The following DAB1 variants were observed in gnomAD, a reference collection of about 807,000 sequenced individuals.
The protein encoded by DAB1 is disabled homolog 1.
DAB1 carries 15 observed loss-of-function variants against 64.6 expected under a neutral mutation model. The observed-to-expected ratio is 0.23, with a 90% CI of 0.16 to 0.36. The LOEUF (loss-of-function observed/expected upper bound fraction) is 0.36, where lower values mean the gene tolerates loss of function less well. Ranked by LOEUF, DAB1 falls within the 10% of genes least tolerant of loss-of-function variation. The pLI is 1.00. For synonymous variants in DAB1, 235 were observed against 251.9 expected (o/e 0.93, Z 0.64); for missense variants, 596 against 706.7 (o/e 0.84, Z 1.78).
intron 4 of DAB1, among the ~76,000 whole-genome samples, chr1:58,181,574 G>T (rs184262926): frequency 1.4e-3 from 212 of 151,926 alleles, no homozygotes; most frequent in African/African-American, 4.9e-3. Flanking sequence ...TTAACTCCTT[G>T]TTGGATTTAT....
At chr1:57,038,267 T>TTTGCAAAACTGAA (rs1647275614) in intron 9 of DAB1, among the ~76,000 whole-genome samples, 1 of 152,220 alleles carries the variant, frequency 6.6e-6, no homozygotes, top group South Asian at 2.1e-4. Context: ...TCAAATTCAG[T>TTTGCAAAACTGAA]TTGCAAAAGC....
chr1:58,263,943 C>T (rs1268287235), intron 4 of DAB1, among the ~76,000 whole-genome samples: 2 of 152,126 alleles, frequency 1.3e-5, no homozygotes, highest in East Asian at 3.9e-4. Flanking sequence ...ATTTCATAGC[C>T]AAATTTCTGG....
chr1:58,052,349 G>C (rs565887606), intron 5 of DAB1, among the ~76,000 whole-genome samples: 2 of 152,124 alleles, frequency 1.3e-5, no homozygotes, highest in African/African-American at 4.8e-5. Flanking sequence ...AAGATCAGAT[G>C]GTTGTAGATG....
intron 1 of DAB1, among the ~76,000 whole-genome samples, chr1:57,852,691 C>T (rs1424058078): frequency 1.3e-5 from 2 of 152,096 alleles, no homozygotes; most frequent in African/African-American, 4.8e-5. Context: ...CACTACATGG[C>T]TCTATGGGCA....
intron 4 of DAB1, among the ~76,000 whole-genome samples, chr1:58,196,697 G>C (rs183815388): frequency 0.011 from 1,607 of 152,230 alleles, 9 homozygotes; most frequent in South Asian, 0.034. Flanking sequence ...AGAGAGGAGA[G>C]AGCCCAGGGA....
chr1:57,023,496 G>T, intron 11 of DAB1, 35 bp downstream of exon 11: 1 of 1,264,148 alleles, frequency 7.9e-7, no homozygotes, highest in Non-Finnish European at 1.1e-6. Context: ...ATGAGTGAAG[G>T]CCAAAGGAAG....
At chr1:58,268,310 C>A (rs2100424353) in intron 4 of DAB1, among the ~76,000 whole-genome samples, 1 of 152,004 alleles carries the variant, frequency 6.6e-6, no homozygotes, top group South Asian at 2.1e-4. Context: ...ATATTTAAGA[C>A]CTGAGTGAAG....
intron 4 of DAB1, among the ~76,000 whole-genome samples, chr1:57,095,354 C>T (rs971204284): frequency 1.1e-4 from 17 of 152,114 alleles, no homozygotes; most frequent in Non-Finnish European, 2.5e-4. Flanking sequence ...GGACAGAGGC[C>T]CAATGAGACT....
chr1:58,492,993 T>C (rs548702688), intron 3 of DAB1, among the ~76,000 whole-genome samples: 2,031 of 152,262 alleles, frequency 0.013, 32 homozygotes, highest in African/African-American at 0.045. Flanking sequence ...ATATCCCTGA[T>C]GAACATCAAT....
At position 58,201,393 on chromosome 1, in the gene DAB1, C is replaced by T. The variant is rs533797881; in HGVS notation, n.310-50805G>A. On this transcript the variant is annotated intron_variant and non_coding_transcript_variant, in intron 4 of 20. Transcript: ENST00000485760. ...TCAGAATACTGATCTCTGGACATAGCGCTCTTTCTAAGTTTTTGCCTCTGC... is the reference window on the plus strand; with the variant it reads ...TCAGAATACTGATCTCTGGACATAGTGCTCTTTCTAAGTTTTTGCCTCTGC... Among the ~76,000 whole-genome samples, 57 of 152,226 alleles carry T rather than the reference C, an allele frequency of 3.7e-4. 3 individuals carry two copies. The South Asian group carries it at 0.011, about 29-fold the overall frequency.
At chr1:58,227,591 A>G (rs575345062) in intron 4 of DAB1, among the ~76,000 whole-genome samples, 1 of 152,332 alleles carries the variant, frequency 6.6e-6, no homozygotes, top group East Asian at 1.9e-4. Flanking sequence ...GTAGCTCATC[A>G]GGTGCCAAAG....
chr1:58,187,854 C>A (rs1473757494), intron 4 of DAB1, among the ~76,000 whole-genome samples: 1 of 149,422 alleles, frequency 6.7e-6, no homozygotes. Context: ...GCTGGGATTA[C>A]AGGTGTGAGC....
At chr1:58,140,640 C>T (rs939818992) in intron 5 of DAB1, among the ~76,000 whole-genome samples, 2 of 152,092 alleles carry the variant, frequency 1.3e-5, no homozygotes, top group African/African-American at 4.8e-5. Context: ...CCTAGCTCCC[C>T]CACTGCTCTA....
intron 2 of DAB1, among the ~76,000 whole-genome samples, chr1:57,233,387 C>G (rs937908056): frequency 1.4e-5 from 2 of 147,788 alleles, no homozygotes; most frequent in African/African-American, 4.9e-5. Context: ...CTCAGCCTCC[C>G]AAGTAGCTGG....
At chr1:58,003,989 T>C (rs1270028150) in intron 5 of DAB1, among the ~76,000 whole-genome samples, 1 of 152,160 alleles carries the variant, frequency 6.6e-6, no homozygotes, top group Admixed American at 6.5e-5. Flanking sequence ...CGTTACTTGT[T>C]CCAGACCTAG....
chr1:57,167,349 C>T (rs1661294866), intron 2 of DAB1, among the ~76,000 whole-genome samples: 1 of 152,160 alleles, frequency 6.6e-6, no homozygotes, highest in Admixed American at 6.5e-5. Flanking sequence ...TTAGTCTCTG[C>T]ATGCAACTGG....
chr1:57,018,267 C>T (rs564425911), intron 11 of DAB1, among the ~76,000 whole-genome samples: 1 of 152,250 alleles, frequency 6.6e-6, no homozygotes, highest in South Asian at 2.1e-4. Flanking sequence ...CTGACAGAAG[C>T]GCTTCTCATG....
chr1:58,269,375 T>C (rs1052999163), intron 4 of DAB1, among the ~76,000 whole-genome samples: 33 of 150,396 alleles, frequency 2.2e-4, no homozygotes, highest in African/African-American at 7.8e-4. Flanking sequence ...TAGTAGTCCA[T>C]GGTGTATATG....
chr1:57,751,735 G>C (rs912284664), intron 6 of DAB1, among the ~76,000 whole-genome samples: 4 of 152,032 alleles, frequency 2.6e-5, no homozygotes, highest in African/African-American at 7.2e-5. Context: ...GATCCAACAG[G>C]GAAGAGATAC....
Sources: allele counts gnomAD v4.1 joint callset (sites outside exome capture counted in the v4.1 genomes callset), GRCh38; gene constraint gnomAD v4.1.1; transcripts MANE v1.5; gene names NCBI Gene and HGNC (gene_info 2026-07-23, HGNC 2026-07-21).